Variants in CSRP2 observed in about 807,000 individuals in gnomAD.
CSRP2 encodes the protein cysteine and glycine-rich protein 2.
Under a neutral mutation model 24.6 loss-of-function variants are expected in CSRP2, and 18 were observed. The ratio of observed to expected loss-of-function variants is 0.73; its 90% confidence interval spans 0.51 to 1.09. The LOEUF is 1.09. Ranked by LOEUF, CSRP2 falls within the 50% of genes least tolerant of loss-of-function variation. CSRP2 has a pLI of 0.00. For synonymous variants in CSRP2, 87 were observed against 84.3 expected, an observed-to-expected ratio of 1.03 and a Z score of -0.18; for missense variants, 215 against 239.4, an observed-to-expected ratio of 0.90 and a Z score of 0.67.
chr12:76,876,535 T>C (rs757214224), intron 1 of CSRP2, among the ~76,000 whole-genome samples: 1 of 152,326 alleles, frequency 6.6e-6, no homozygotes, highest in Non-Finnish European at 1.5e-5. Flanking sequence ...TGGTACCACA[T>C]ACTTTATGTT....
chr12:76,866,910 G>T (rs778772330), intron 1 of CSRP2, among the ~76,000 whole-genome samples: 1 of 152,112 alleles, frequency 6.6e-6, no homozygotes, highest in Non-Finnish European at 1.5e-5. Context: ...CATCCAGATG[G>T]CTCCGGCTTA....
chr12:76,859,518 TG>T, intron 5 of CSRP2, 28 bp downstream of exon 5: 1 of 1,446,776 alleles, frequency 6.9e-7, no homozygotes, highest in Non-Finnish European at 9.7e-7. Context: ...AATATTCATA[TG>T]GACAGCAGTA....
In CSRP2 at chr12:76,869,410, T is replaced by C. The variant is rs150991531; in HGVS notation, c.-1-3149A>G. ...CAACCCCCAACTCCAAGGCTGGGCA[T>C]GTGACTCAGTCACGGCCAATCAACT... On this transcript the variant is annotated intron_variant, in intron 1 of 5. Transcript: ENST00000311083. 2.0e-5 allele frequency among the ~76,000 whole-genome samples: 3 copies of C among 152,312 alleles called. No homozygotes were observed. The East Asian group carries it at 5.8e-4, about 29-fold the overall frequency.
intron 1 of CSRP2, among the ~76,000 whole-genome samples, chr12:76,871,114 T>A (rs1953792184): frequency 6.6e-6 from 1 of 151,982 alleles, no homozygotes; most frequent in African/African-American, 2.4e-5. Flanking sequence ...CACACCTGGA[T>A]TAACTCCACC....
At chr12:76,868,938 A>G (rs1458548596) in intron 1 of CSRP2, among the ~76,000 whole-genome samples, 2 of 129,504 alleles carry the variant, frequency 1.5e-5, no homozygotes, top group Non-Finnish European at 3.2e-5. Context: ...GCCTCAAAAG[A>G]AAAAAAAAAA....
chr12:76,868,261 T>C (rs1437235633), intron 1 of CSRP2, among the ~76,000 whole-genome samples: 1 of 152,134 alleles, frequency 6.6e-6, no homozygotes, highest in Non-Finnish European at 1.5e-5. Flanking sequence ...AAAATAACAG[T>C]CCTTTACTGA....
At chr12:76,875,368 C>T (rs539809435) in intron 1 of CSRP2, among the ~76,000 whole-genome samples, 1 of 152,306 alleles carries the variant, frequency 6.6e-6, no homozygotes, top group Admixed American at 6.5e-5. Context: ...TCTGCTACCA[C>T]TCGTGTCTTC....
At chr12:76,868,079 G>C (rs1292260108) in intron 1 of CSRP2, among the ~76,000 whole-genome samples, 9 of 152,182 alleles carry the variant, frequency 5.9e-5, no homozygotes, top group Non-Finnish European at 1.2e-4. Flanking sequence ...ATGTGGTTTA[G>C]AGAAGTGCTT....
chr12:76,862,746 T>G, intron 3 of CSRP2: 1 of 1,329,442 alleles, frequency 7.5e-7, no homozygotes. Flanking sequence ...TAGAGAAAAG[T>G]GATTTCTTGA....
chr12:76,861,785 C>T (rs1453456499), intron 3 of CSRP2: 2 of 152,232 alleles, frequency 1.3e-5, no homozygotes, highest in Admixed American at 1.3e-4. Flanking sequence ...CTCTTAGTGT[C>T]GTCATCTATA....
chr12:76,876,121 T>C (rs921550866), intron 1 of CSRP2, among the ~76,000 whole-genome samples: 2 of 152,224 alleles, frequency 1.3e-5, no homozygotes, highest in Non-Finnish European at 2.9e-5. Context: ...TCTCTCTGCT[T>C]ATTTTCTTTT....
At chr12:76,869,236 A>G (rs1482661073) in intron 1 of CSRP2, among the ~76,000 whole-genome samples, 1 of 152,112 alleles carries the variant, frequency 6.6e-6, no homozygotes, top group Non-Finnish European at 1.5e-5. Flanking sequence ...CGCTCCCACC[A>G]GGCCTTTTTA....
At chr12:76,869,643 C>T (rs1414319825) in intron 1 of CSRP2, among the ~76,000 whole-genome samples, 1 of 151,864 alleles carries the variant, frequency 6.6e-6, no homozygotes, top group African/African-American at 2.4e-5. Flanking sequence ...GCCAACTTCT[C>T]TTAACCAGAC....
intron 2 of CSRP2, chr12:76,864,476 T>A (rs1364857569): frequency 6.6e-6 from 1 of 152,092 alleles, no homozygotes; most frequent in African/African-American, 2.4e-5. Context: ...CAGTATTAAC[T>A]GGAATGTTGG....
Position 76,858,925 on chromosome 12 carries a change from T to TATC in CSRP2, c.*26_*27insGAT, listed in dbSNP as rs1222863148. On this transcript the variant is annotated 3_prime_UTR_variant, in exon 6 of 6. Coordinates refer to ENST00000311083, the MANE Select transcript of CSRP2 (RefSeq NM_001321.3). ...CTAGATTATGAAGAGATTCTCAGTG[T>TATC]GTGATGTTTAGTTCAGGGTTTACAT... is the stretch of plus-strand genomic sequence containing the variant. 1.3e-6 allele frequency: 2 copies of TATC among 1,575,856 alleles called. No homozygotes were observed. The highest frequency in any genetic ancestry group is 2.7e-5 in the African/African-American group (2 of 74,166).
chr12:76,876,057 T>G (rs1000626906), intron 1 of CSRP2, among the ~76,000 whole-genome samples: 5 of 152,162 alleles, frequency 3.3e-5, no homozygotes, highest in African/African-American at 9.7e-5. Flanking sequence ...ATGGCATAGG[T>G]TCTTCTTAAG....
chr12:76,867,549 T>C (rs1208990319), intron 1 of CSRP2, among the ~76,000 whole-genome samples: 1 of 152,132 alleles, frequency 6.6e-6, no homozygotes, highest in African/African-American at 2.4e-5. Flanking sequence ...CTTCCTCAGA[T>C]GCCTTAACCA....
Position 76,869,577 on chromosome 12 carries a change from CA to C in CSRP2, c.-1-3317del, listed in dbSNP as rs1378040058. Among the ~76,000 whole-genome samples the C allele has an allele frequency of 2.0e-4, 30 of 147,864 alleles. No individual in the cohort carries two copies. In the South Asian group the frequency reaches 2.1e-3, roughly 11 times the overall value. On this transcript the variant is annotated intron_variant, in intron 1 of 5. Coordinates refer to ENST00000311083, the MANE Select transcript of CSRP2 (RefSeq NM_001321.3). ...ACACACACACACACACACACACACA[CA>C]CCCCTGACTGGTATGGCTTGTTATC...
chr12:76,878,260 T>C (rs2137842651), intron 1 of CSRP2: 1 of 152,350 alleles, frequency 6.6e-6, no homozygotes, highest in South Asian at 2.1e-4. Context: ...GCATTCTTCT[T>C]TGTACCTGAA....
Sources: allele counts gnomAD v4.1 joint callset (sites outside exome capture counted in the v4.1 genomes callset), GRCh38; gene constraint gnomAD v4.1.1; transcripts MANE v1.5; gene names NCBI Gene and HGNC (gene_info 2026-07-23, HGNC 2026-07-21).